BCAS3: variants seen among roughly 807,000 people sequenced by gnomAD.
The protein encoded by BCAS3 is BCAS4/BCAS3 fusion.
In BCAS3, 53 loss-of-function variants were observed where a neutral mutation model predicts 116.1. The ratio of observed to expected loss-of-function variants is 0.46; its 90% CI spans 0.37 to 0.57. BCAS3 has a LOEUF of 0.57. BCAS3 is among the 20% of genes least tolerant of loss of function. The pLI, the probability that BCAS3 is intolerant of heterozygous loss-of-function variation, is 0.00. For synonymous variants in BCAS3, 391 were observed against 408.2 expected (o/e 0.96, Z 0.51); for missense variants, 917 against 1,165.4 (o/e 0.79, Z 3.10).
At chr17:61,039,385 A>C (rs1364659272) in intron 18 of BCAS3, among the ~76,000 whole-genome samples, 1 of 151,962 alleles carries the variant, frequency 6.6e-6, no homozygotes, top group East Asian at 1.9e-4. Context: ...TTATTAAATA[A>C]TGTTGCTGTG....
In BCAS3 at chr17:61,308,173, C is replaced by T. The variant is rs534052020; in HGVS notation, c.2426-60154C>T. On this transcript the variant is annotated intron_variant, in intron 22 of 23. Transcript: ENST00000407086. ...CAACTGGCCAAGTGTGTGGGGACTC[C>T]TGGTGTTGTTGTTTATGGCGTCTGG... 4.9e-5 allele frequency among the ~76,000 whole-genome samples: 7 copies of T among 142,812 alleles called. No homozygotes were observed. In the South Asian group the frequency reaches 1.5e-3, roughly 30 times the overall value. 93.7% of individuals were successfully genotyped at this position (142,812 alleles called of 152,430 possible).
At position 61,130,335 on chromosome 17, in the gene BCAS3, ATC is replaced by A. The variant is rs1471739012; in HGVS notation, c.2425+45773_2425+45774del. Among the ~76,000 whole-genome samples the A allele has an allele frequency of 2.6e-5, 4 of 152,198 alleles. No individual in the cohort carries two copies. The highest frequency in any genetic ancestry group is 4.4e-5 in the Non-Finnish European group (3 of 68,034). ...CTTCCCAATTAATTATGAGAAATTC[ATC>A]TGTACAATTTTCTTATTAATTCTCG... On this transcript the variant is annotated intron_variant, in intron 22 of 23. Coordinates refer to ENST00000407086, the MANE Select transcript of BCAS3 (RefSeq NM_017679.5). This position sits in a 1 kb window ranked among gnomAD's most constrained non-coding sequence, Gnocchi z 5.0.
At chr17:61,053,944 C>T (rs983618900) in intron 19 of BCAS3, among the ~76,000 whole-genome samples, 1 of 152,186 alleles carries the variant, frequency 6.6e-6, no homozygotes, top group African/African-American at 2.4e-5. Flanking sequence ...ACATTTGAGA[C>T]ATTTAGACCC....
chr17:60,768,960 A>G (rs989096682), intron 6 of BCAS3, among the ~76,000 whole-genome samples: 12 of 152,162 alleles, frequency 7.9e-5, no homozygotes, highest in Admixed American at 6.5e-5. Flanking sequence ...CAAGTGATTT[A>G]TGCTGGTGTT....
chr17:60,757,210 G>C (rs371654919), intron 6 of BCAS3, among the ~76,000 whole-genome samples: 52 of 151,798 alleles, frequency 3.4e-4, no homozygotes, highest in African/African-American at 1.1e-3. Flanking sequence ...TAGCCACTTG[G>C]GGGGCTGAGG....
chr17:61,126,080 A>G lies in BCAS3; in HGVS notation c.2425+41516A>G, dbSNP rs1230660501. 6.6e-6 allele frequency among the ~76,000 whole-genome samples: 1 copy of G among 152,190 alleles called. No homozygotes were observed. The highest frequency in any genetic ancestry group is 1.5e-5 in the Non-Finnish European group (1 of 68,012). ...GTATGTGAATTGGAAGCAGTAATAA[A>G]TTGTGAATGAATCTTTTGCTTTTTA... On this transcript the variant is annotated intron_variant, in intron 22 of 23. Coordinates refer to ENST00000407086, the MANE Select transcript of BCAS3 (RefSeq NM_017679.5). The surrounding 1 kb of genome is among the most constrained non-coding windows in gnomAD (Gnocchi z 4.6).
chr17:60,977,764 T>G (rs1232384800), intron 14 of BCAS3, among the ~76,000 whole-genome samples: 1 of 151,296 alleles, frequency 6.6e-6, no homozygotes, highest in Admixed American at 6.6e-5. Flanking sequence ...TGGCTTTTTG[T>G]TCTTGCCATA....
At chr17:61,342,821 G>A (rs982396746) in intron 22 of BCAS3, among the ~76,000 whole-genome samples, 3 of 150,146 alleles carry the variant, frequency 2.0e-5, no homozygotes, top group East Asian at 2.0e-4. Context: ...GTGGGATCTC[G>A]ACTCTGTAAC....
Position 61,381,314 on chromosome 17 carries a change from C to T in BCAS3, c.2594-10663C>T, listed in dbSNP as rs532095251. Reference sequence around the variant, plus strand: ...CTGAATTGAATAATGAATAGAGCCCCGGCACCAGCAGCCAGTCTGTGAGCA... The same window carrying T: ...CTGAATTGAATAATGAATAGAGCCCTGGCACCAGCAGCCAGTCTGTGAGCA... On this transcript the variant is annotated intron_variant, in intron 23 of 23. Coordinates refer to ENST00000407086, the MANE Select transcript of BCAS3 (RefSeq NM_017679.5). The surrounding 1 kb of genome is among the most constrained non-coding windows in gnomAD (Gnocchi z 6.0). Among the ~76,000 whole-genome samples the T allele has an allele frequency of 2.0e-5, 3 of 152,322 alleles. No homozygotes were observed. The highest frequency in any genetic ancestry group is 4.8e-5 in the African/African-American group (2 of 41,586).
In BCAS3 at chr17:61,063,442, A is replaced by G. The variant is rs749869546; in HGVS notation, c.2030-11478A>G. Among the ~76,000 whole-genome samples, 1 of 151,512 alleles carries G rather than the reference A, an allele frequency of 6.6e-6. No homozygotes were observed. The highest frequency in any genetic ancestry group is 1.5e-5 in the Non-Finnish European group (1 of 67,894). On this transcript the variant is annotated intron_variant, in intron 19 of 23. Transcript: ENST00000407086. This position sits in a 1 kb window ranked among gnomAD's most constrained non-coding sequence, Gnocchi z 5.3. ...CTGCCACCACGCTTGCTAATTTTTT[A>G]TATTTTTAGTAGAGACGGAGTTTCA...
chr17:61,052,715 C>CTTTTTTTTTTTT (rs60772345), intron 19 of BCAS3, among the ~76,000 whole-genome samples: 61 of 124,868 alleles, frequency 4.9e-4, no homozygotes, highest in Non-Finnish European at 7.6e-4. Flanking sequence ...TTCTTTCTTT[C>CTTTTTTTTTTTT]TTTTTTTTTT....
At chr17:60,700,147 T>G (rs2036191936) in intron 4 of BCAS3, among the ~76,000 whole-genome samples, 1 of 147,188 alleles carries the variant, frequency 6.8e-6, no homozygotes, top group Non-Finnish European at 1.5e-5. Context: ...GTACTCCAGT[T>G]TGGACAACAG....
chr17:60,802,305 T>A (rs1017963822), intron 6 of BCAS3, among the ~76,000 whole-genome samples: 6 of 145,284 alleles, frequency 4.1e-5, no homozygotes, highest in African/African-American at 1.5e-4. Flanking sequence ...AATATATATA[T>A]ATATATATAT....
At chr17:60,811,772 A>ATGCAG (rs2048848916) in intron 7 of BCAS3, among the ~76,000 whole-genome samples, 1 of 152,188 alleles carries the variant, frequency 6.6e-6, no homozygotes, top group Non-Finnish European at 1.5e-5. Context: ...ATAGGCCTGG[A>ATGCAG]TGCAGTGGCT....
Position 61,082,402 on chromosome 17 carries a change from T to G in BCAS3, c.2328-2065T>G, listed in dbSNP as rs2072699727. Reference sequence around the variant, plus strand: ...GAAGAAAATTCAAACATGTATAAAATAAAAAGAAAAATAGCATAAACCCCC... The same window carrying G: ...GAAGAAAATTCAAACATGTATAAAAGAAAAAGAAAAATAGCATAAACCCCC... On this transcript the variant is annotated intron_variant, in intron 21 of 23. Coordinates refer to ENST00000407086, the MANE Select transcript of BCAS3 (RefSeq NM_017679.5). This position sits in a 1 kb window ranked among gnomAD's most constrained non-coding sequence, Gnocchi z 5.1. Among the ~76,000 whole-genome samples, 1 of 152,050 alleles carries G rather than the reference T, an allele frequency of 6.6e-6. No homozygotes were observed. The highest frequency in any genetic ancestry group is 2.4e-5 in the African/African-American group (1 of 41,426).
chr17:61,010,066 G>A (rs1034711843), intron 15 of BCAS3, among the ~76,000 whole-genome samples: 2 of 134,732 alleles, frequency 1.5e-5, no homozygotes, highest in Admixed American at 7.2e-5. Flanking sequence ...TTCAGACTCT[G>A]TCTTTTTTTT....
rs1462804661 is a variant in BCAS3, at chr17:61,142,267, A to T, written c.2425+57703A>T. 2.0e-5 allele frequency among the ~76,000 whole-genome samples: 3 copies of T among 152,224 alleles called. No individual in the cohort carries two copies. In the East Asian group the frequency reaches 5.8e-4, roughly 29 times the overall value. ...CCCGGTTAGTAATTGGCAGAGCCAA[A>T]TTTAAACCCAGATCTGTACAATTGA... On this transcript the variant is annotated intron_variant, in intron 22 of 23. Coordinates refer to ENST00000407086, the MANE Select transcript of BCAS3 (RefSeq NM_017679.5).
intron 7 of BCAS3, among the ~76,000 whole-genome samples, chr17:60,844,325 G>A (rs754028983): frequency 3.3e-5 from 5 of 152,160 alleles, no homozygotes; most frequent in Non-Finnish European, 7.4e-5. Flanking sequence ...AAAGGCAATA[G>A]TTCCCTCTAC....
chr17:61,060,061 C>T (rs968179062), intron 19 of BCAS3, among the ~76,000 whole-genome samples: 1 of 152,064 alleles, frequency 6.6e-6, no homozygotes. Flanking sequence ...CTTTGTTATA[C>T]AAGATGAAAA....
Sources: gnomAD v4.1 joint callset for allele counts (sites outside exome capture counted in the v4.1 genomes callset) on GRCh38, gnomAD v4.1.1 for gene constraint, Gnocchi (gnomAD v3.1) non-coding constraint, MANE v1.5 for transcripts, NCBI Gene and HGNC (gene_info 2026-07-23, HGNC 2026-07-21) for gene names.